Variants in QKI observed in about 807,000 individuals in gnomAD.
The protein encoded by QKI is QKI, KH domain containing RNA binding.
In QKI, 10 loss-of-function variants were observed where a neutral mutation model predicts 39.0. That is an observed-to-expected ratio of 0.26 (90% CI 0.16 to 0.43). The LOEUF is 0.43. Ranked by LOEUF, QKI falls within the 20% of genes least tolerant of loss-of-function variation. The pLI, the probability that QKI is intolerant of heterozygous loss-of-function variation, is 1.00. For missense variants in QKI, 218 were observed against 428.0 expected (o/e 0.51, Z 4.33); for synonymous variants, 204 against 155.4 (o/e 1.31, Z -2.33).
At chr6:163,470,494 A>C (rs1792102933) in intron 2 of QKI, among the ~76,000 whole-genome samples, 1 of 152,138 alleles carries the variant, frequency 6.6e-6, no homozygotes, top group Non-Finnish European at 1.5e-5. Context: ...TATTATTTTT[A>C]TAAGCTATTT....
intron 2 of QKI, among the ~76,000 whole-genome samples, chr6:163,461,589 T>C (rs940123906): frequency 6.6e-6 from 1 of 152,232 alleles, no homozygotes; most frequent in South Asian, 2.1e-4. Flanking sequence ...TAATTTGATA[T>C]CTACTCATAG....
chr6:163,568,760 A>T, intron 7 of QKI: 1 of 985,150 alleles, frequency 1.0e-6, no homozygotes, highest in Non-Finnish European at 1.2e-6. Context: ...ATGGTTGACC[A>T]ATATCTAGTT....
At chr6:163,563,747 A>G (rs548837959) in intron 6 of QKI, 28 bp downstream of exon 6, 13 of 1,578,766 alleles carry the variant, frequency 8.2e-6, no homozygotes, top group Middle Eastern at 1.7e-4. Context: ...TGGGGTTAAC[A>G]ACATTCTCTT....
At chr6:163,543,675 TA>T (rs1433484295) in intron 4 of QKI, among the ~76,000 whole-genome samples, 1 of 152,058 alleles carries the variant, frequency 6.6e-6, no homozygotes, top group Non-Finnish European at 1.5e-5. Flanking sequence ...TTCTCTCATA[TA>T]GGCAAAACTG....
intron 1 of QKI, among the ~76,000 whole-genome samples, chr6:163,442,078 C>G (rs1433928597): frequency 1.3e-5 from 2 of 152,134 alleles, no homozygotes; most frequent in African/African-American, 4.8e-5. Flanking sequence ...TACGAATGTA[C>G]AGTGGAGTTT....
intron 7 of QKI, chr6:163,568,073 C>G: frequency 1.0e-6 from 1 of 985,372 alleles, no homozygotes; most frequent in South Asian, 4.7e-5. Context: ...CCGTGGTCGT[C>G]TATGAGGATG....
At chr6:163,440,582 C>G (rs2128214635) in intron 1 of QKI, among the ~76,000 whole-genome samples, 1 of 152,220 alleles carries the variant, frequency 6.6e-6, no homozygotes, top group Non-Finnish European at 1.5e-5. Flanking sequence ...GGCATAACTT[C>G]CTTAGTTTAA....
intron 2 of QKI, among the ~76,000 whole-genome samples, chr6:163,469,499 A>G (rs1002682034): frequency 8.5e-5 from 13 of 152,330 alleles, no homozygotes; most frequent in African/African-American, 2.9e-4. Flanking sequence ...ACTTAAAGAA[A>G]TAGCCAAGGT....
chr6:163,472,523 A>G (rs538567912), intron 2 of QKI, among the ~76,000 whole-genome samples: 1 of 152,342 alleles, frequency 6.6e-6, no homozygotes, highest in East Asian at 1.9e-4. Context: ...CTTTACACAT[A>G]TACAGCAAAA....
intron 3 of QKI, among the ~76,000 whole-genome samples, chr6:163,503,223 C>A (rs1343225412): frequency 1.3e-5 from 2 of 149,952 alleles, no homozygotes; most frequent in Non-Finnish European, 3.0e-5. Flanking sequence ...CTCAGGCAAT[C>A]CACCTGCCTC....
At chr6:163,557,152 A>T (rs1310252389) in intron 4 of QKI, among the ~76,000 whole-genome samples, 1 of 152,252 alleles carries the variant, frequency 6.6e-6, no homozygotes, top group African/African-American at 2.4e-5. Context: ...AACTACAGCG[A>T]CATGCAGCAA....
intron 4 of QKI, among the ~76,000 whole-genome samples, chr6:163,553,687 TAGA>T (rs1348488573): frequency 1.3e-5 from 2 of 152,216 alleles, no homozygotes; most frequent in Non-Finnish European, 2.9e-5. Flanking sequence ...TATTTAGCAT[TAGA>T]AGAAGTAAGT....
At chr6:163,568,817 A>AT (rs1783532261) in intron 7 of QKI, 1 of 985,674 alleles carries the variant, frequency 1.0e-6, no homozygotes, top group African/African-American at 1.7e-5. Flanking sequence ...TCAAAACTGA[A>AT]TTTGAAGCCT....
At chr6:163,471,891 G>GTAA (rs1391491072) in intron 2 of QKI, among the ~76,000 whole-genome samples, 8 of 152,162 alleles carry the variant, frequency 5.3e-5, no homozygotes, top group African/African-American at 1.9e-4. Context: ...AAGTTTGAAG[G>GTAA]TAATAGATTG....
intron 2 of QKI, among the ~76,000 whole-genome samples, chr6:163,474,444 AGT>A (rs1212220917): frequency 2.0e-5 from 3 of 152,186 alleles, no homozygotes; most frequent in African/African-American, 7.2e-5. Flanking sequence ...TATGAGAGTC[AGT>A]AATGAAGAAA....
At chr6:163,557,935 G>C (rs2128248799) in intron 4 of QKI, among the ~76,000 whole-genome samples, 1 of 152,242 alleles carries the variant, frequency 6.6e-6, no homozygotes, top group East Asian at 1.9e-4. Context: ...CAAATACTTA[G>C]GAAACCAGAA....
rs1435455796 is a variant in QKI, at chr6:163,573,518, T to C, written c.*2808T>C. 1.3e-5 allele frequency: 2 copies of C among 152,182 alleles called. No individual in the cohort carries two copies. Among genetic ancestry groups the C allele is most frequent in the African/African-American group, 4.8e-5 (2 of 41,446 alleles). The allele number at this position is 152,182 out of a possible 1,614,324, so 9.4% of individuals were successfully genotyped here. On this transcript the variant is annotated 3_prime_UTR_variant, in exon 8 of 8. Coordinates refer to ENST00000361752, the MANE Select transcript of QKI (RefSeq NM_006775.3). Reference sequence around the variant, plus strand: ...TTTTCTATCTTGTTTTATATGTATGTTATATAACATTCAAAAAGAATTTTT... The same window carrying C: ...TTTTCTATCTTGTTTTATATGTATGCTATATAACATTCAAAAAGAATTTTT...
intron 3 of QKI, among the ~76,000 whole-genome samples, chr6:163,529,729 G>A (rs993566687): frequency 4.6e-5 from 7 of 152,178 alleles, no homozygotes; most frequent in African/African-American, 7.2e-5. Context: ...AGATGTGAAT[G>A]GGTGCATGTG....
intron 1 of QKI, among the ~76,000 whole-genome samples, chr6:163,450,721 T>G (rs768495322): frequency 2.6e-5 from 4 of 152,066 alleles, no homozygotes; most frequent in Non-Finnish European, 4.4e-5. Context: ...AAAATAGTTT[T>G]CAGCGTAGTG....
Sources: allele counts gnomAD v4.1 joint callset (sites outside exome capture counted in the v4.1 genomes callset), GRCh38; gene constraint gnomAD v4.1.1; transcripts MANE v1.5; gene names NCBI Gene and HGNC (gene_info 2026-07-23, HGNC 2026-07-21).